Variants in VWA3B observed in about 807,000 individuals in gnomAD.
The protein encoded by VWA3B is von Willebrand factor A domain containing 3B.
Under a neutral mutation model 158.3 loss-of-function variants are expected in VWA3B, and 138 were observed. The observed-to-expected ratio is 0.87, with a 90% CI of 0.76 to 1.00. The LOEUF is 1.00. VWA3B is among the 50% of genes least tolerant of loss of function. The pLI, the probability that VWA3B is intolerant of heterozygous loss-of-function variation, is 0.00. For missense variants in VWA3B, 1,555 were observed against 1,565.1 expected, an observed-to-expected ratio of 0.99 and a Z score of 0.11; for synonymous variants, 596 against 587.3, an observed-to-expected ratio of 1.01 and a Z score of -0.21.
chr2:98,179,790 C>CT (rs1436883351), intron 8 of VWA3B, among the ~76,000 whole-genome samples: 2 of 19,350 alleles, frequency 1.0e-4, no homozygotes, highest in South Asian at 8.1e-3. Flanking sequence ...TCTTTCTTTT[C>CT]TTTCTTTCTT....
intron 2 of VWA3B, among the ~76,000 whole-genome samples, chr2:98,095,853 T>G (rs996327440): frequency 6.6e-6 from 1 of 152,222 alleles, no homozygotes; most frequent in African/African-American, 2.4e-5. Flanking sequence ...TGTCAAATGC[T>G]TATTCTGCAT....
At chr2:98,231,464 C>G (rs1357382703) in intron 16 of VWA3B, among the ~76,000 whole-genome samples, 2 of 151,986 alleles carry the variant, frequency 1.3e-5, no homozygotes, top group East Asian at 3.9e-4. Context: ...ACAAATATAC[C>G]CAAATGATTT....
chr2:98,123,049 G>T (rs920408974), intron 5 of VWA3B, among the ~76,000 whole-genome samples: 1 of 152,174 alleles, frequency 6.6e-6, no homozygotes, highest in African/African-American at 2.4e-5. Context: ...TAAAAATGCC[G>T]TGTCCTATGT....
At chr2:98,181,288 G>A (rs1443938590) in intron 9 of VWA3B, 76 bp downstream of exon 9, 8 of 1,469,474 alleles carry the variant, frequency 5.4e-6, no homozygotes, top group Non-Finnish European at 7.5e-6. Context: ...CATCGGGTCA[G>A]AAGGCAGGGG....
At chr2:98,299,004 G>A (rs1189789434) in intron 24 of VWA3B, among the ~76,000 whole-genome samples, 1 of 152,226 alleles carries the variant, frequency 6.6e-6, no homozygotes, top group Non-Finnish European at 1.5e-5. Flanking sequence ...GAAAGGGAGG[G>A]TTGCAGGGAG....
chr2:98,241,510 T>C (rs1171200298), intron 19 of VWA3B, among the ~76,000 whole-genome samples: 8 of 151,762 alleles, frequency 5.3e-5, no homozygotes, highest in Non-Finnish European at 1.2e-4. Context: ...GCTGAAACAC[T>C]GCGGATGTAC....
chr2:98,270,826 G>A lies in VWA3B; in HGVS notation c.2988G>A (p.Gln996=). The A allele has an allele frequency of 6.2e-7, 1 of 1,614,090 alleles. No homozygotes were observed. The highest frequency in any genetic ancestry group is 8.5e-7 in the Non-Finnish European group (1 of 1,179,994). Residue 996 remains glutamine (Q), a synonymous_variant, in exon 22 of 28, where the codon CAG becomes CAA. Coordinates refer to ENST00000477737, the MANE Select transcript of VWA3B (RefSeq NM_144992.5). ...EILAGKMYIQ[Q]AMELQEAAKK... is the part of the protein sequence containing the mutation. ...TAGCTGGGAAAATGTACATCCAGCA[G>A]GCCATGGAACTCCAGGAGGCTGCCA...
intron 22 of VWA3B, among the ~76,000 whole-genome samples, chr2:98,285,244 T>C (rs995323711): frequency 2.0e-5 from 3 of 152,182 alleles, no homozygotes; most frequent in Non-Finnish European, 4.4e-5. Flanking sequence ...AATTTGTCTC[T>C]ATATATTTGC....
chr2:98,253,635 A>G (rs1686941355), intron 20 of VWA3B, among the ~76,000 whole-genome samples: 1 of 152,134 alleles, frequency 6.6e-6, no homozygotes, highest in Non-Finnish European at 1.5e-5. Context: ...ACCTCTCCTT[A>G]CCATCTGCAA....
chr2:98,164,464 T>A (rs924182032), intron 8 of VWA3B, among the ~76,000 whole-genome samples: 1 of 152,192 alleles, frequency 6.6e-6, no homozygotes, highest in Non-Finnish European at 1.5e-5. Flanking sequence ...GGGGTAGGCC[T>A]ATATTTAGCT....
At chr2:98,150,075 G>A (rs1454671324) in intron 7 of VWA3B, among the ~76,000 whole-genome samples, 1 of 152,134 alleles carries the variant, frequency 6.6e-6, no homozygotes, top group Non-Finnish European at 1.5e-5. Flanking sequence ...TCATATTTTA[G>A]GATAGTTCCT....
chr2:98,124,591 G>A (rs6543290), intron 5 of VWA3B, among the ~76,000 whole-genome samples: 39,889 of 152,106 alleles, frequency 0.26, 5,906 homozygotes, highest in African/African-American at 0.41. Flanking sequence ...GTCAGATCCA[G>A]GGACTGGAGT....
downstream of VWA3B, among the ~76,000 whole-genome samples, chr2:98,313,995 A>C (rs1448572990): frequency 6.6e-6 from 1 of 152,176 alleles, no homozygotes; most frequent in African/African-American, 2.4e-5. Context: ...CAACTAACAC[A>C]CCTGCTAAAA....
At chr2:98,219,348 C>T (rs566895102) in intron 14 of VWA3B, among the ~76,000 whole-genome samples, 10 of 151,948 alleles carry the variant, frequency 6.6e-5, no homozygotes, top group South Asian at 4.2e-4. Flanking sequence ...TCAGACATTG[C>T]GTAACACAAA....
intron 22 of VWA3B, among the ~76,000 whole-genome samples, chr2:98,287,136 C>G (rs1474759463): frequency 6.6e-6 from 1 of 152,070 alleles, no homozygotes; most frequent in Non-Finnish European, 1.5e-5. Flanking sequence ...TGTATTCTTT[C>G]TGAGTGTTAG....
intron 14 of VWA3B, among the ~76,000 whole-genome samples, chr2:98,219,880 C>T (rs72817766): frequency 0.032 from 4,928 of 151,932 alleles, 125 homozygotes; most frequent in Non-Finnish European, 0.047. Context: ...TATATAAAAA[C>T]GGTCAGGTGC....
chr2:98,303,357 G>A (rs999900), intron 25 of VWA3B, among the ~76,000 whole-genome samples: 21,103 of 152,028 alleles, frequency 0.14, 1,526 homozygotes, highest in Middle Eastern at 0.25. Context: ...GTGAAGGTGG[G>A]GCAGTCAGCA....
intron 7 of VWA3B, among the ~76,000 whole-genome samples, chr2:98,158,076 A>G (rs1678248641): frequency 6.6e-6 from 1 of 152,210 alleles, no homozygotes; most frequent in African/African-American, 2.4e-5. Flanking sequence ...CCATGTGCTC[A>G]GATGATCTGA....
chr2:98,290,877 C>G, intron 23 of VWA3B: 1 of 383,712 alleles, frequency 2.6e-6, no homozygotes, highest in East Asian at 5.7e-5. Context: ...TTTTTATTAC[C>G]CATTTACTGC....
Sources: allele counts gnomAD v4.1 joint callset (sites outside exome capture counted in the v4.1 genomes callset), GRCh38; gene constraint gnomAD v4.1.1; transcripts MANE v1.5; gene names NCBI Gene and HGNC (gene_info 2026-07-23, HGNC 2026-07-21).